Variants in TP73 observed in about 807,000 individuals in gnomAD.
TP73 encodes the protein p53-like transcription factor.
TP73 carries 25 observed loss-of-function variants against 62.5 expected under a neutral mutation model. The observed-to-expected ratio is 0.40, with a 90% CI of 0.29 to 0.56. TP73 has a LOEUF of 0.56. Ranked by LOEUF, TP73 falls within the 20% of genes least tolerant of loss-of-function variation. TP73 has a pLI of 0.46. For missense variants in TP73, 754 were observed against 913.3 expected, an observed-to-expected ratio of 0.83 and a Z score of 2.25; for synonymous variants, 423 against 377.5, an observed-to-expected ratio of 1.12 and a Z score of -1.40.
In TP73 at chr1:3,707,556, T is replaced by A; in HGVS notation, c.194T>A (p.Phe65Tyr). The A allele has an allele frequency of 6.2e-7, 1 of 1,607,258 alleles. No individual in the cohort carries two copies. Among genetic ancestry groups the A allele is most frequent in the Admixed American group, 1.7e-5 (1 of 59,866 alleles). Residue 65 changes from phenylalanine to tyrosine, a missense_variant, in exon 4 of 14, where the codon TTC (phenylalanine) becomes TAC (tyrosine). By Grantham distance (22) the Phe-to-Tyr change is conservative (BLOSUM62 3). Coordinates refer to ENST00000378295, the MANE Select transcript of TP73 (RefSeq NM_005427.4). ...TCCCCTTTCCCGCGCCAGGCCCAGTTCAATCTGCTGAGCAGCACCATGGAC... is the reference window on the plus strand; with the variant it reads ...TCCCCTTTCCCGCGCCAGGCCCAGTACAATCTGCTGAGCAGCACCATGGAC... ...EGMTTSVMAQFNLLSSTMDQM... is the reference protein window; with the variant it reads ...EGMTTSVMAQYNLLSSTMDQM...
intron 3 of TP73, among the ~76,000 whole-genome samples, chr1:3,697,877 C>T (rs1175697250): frequency 2.0e-5 from 3 of 152,228 alleles, no homozygotes; most frequent in East Asian, 1.9e-4. Flanking sequence ...CCCCCACAGC[C>T]GTCCTGGACC....
At chr1:3,680,425 T>C (rs1645492862) in intron 1 of TP73, among the ~76,000 whole-genome samples, 1 of 152,250 alleles carries the variant, frequency 6.6e-6, no homozygotes, top group African/African-American at 2.4e-5. Context: ...TGGACTCAGG[T>C]GGCCCATCTA....
intron 9 of TP73, among the ~76,000 whole-genome samples, chr1:3,729,000 GAGAGAGAC>G (rs927882343): frequency 1.1e-4 from 17 of 152,050 alleles, no homozygotes; most frequent in Admixed American, 5.9e-4. Flanking sequence ...GAAAGAGAGA[GAGAGAGAC>G]AGAGAGACAG....
rs1421161744 is a variant in TP73, at chr1:3,733,559, A to C, written c.*480A>C. 1 of 169,048 alleles carries C rather than the reference A, an allele frequency of 5.9e-6. No individual in the cohort carries two copies. Among genetic ancestry groups the C allele is most frequent in the African/African-American group, 2.4e-5 (1 of 41,858 alleles). 10.5% of individuals were successfully genotyped at this position (169,048 alleles called of 1,614,324 possible). ...GTGAGCAGCCAAGTGACTGTGTCTG[A>C]AACACCAGTGTATTTTCAGGGAATG... is the stretch of plus-strand genomic sequence containing the variant. On this transcript the variant is annotated 3_prime_UTR_variant, in exon 14 of 14. Coordinates refer to ENST00000378295, the MANE Select transcript of TP73 (RefSeq NM_005427.4).
chr1:3,683,299 G>A, intron 3 of TP73, 119 bp downstream of exon 3: 1 of 1,329,726 alleles, frequency 7.5e-7, no homozygotes, highest in Non-Finnish European at 1.0e-6. Context: ...AGCTTCCCCT[G>A]TGGGTTTCTG....
Position 3,696,759 on chromosome 1 carries a change from AC to A in TP73, c.187-10786del, listed in dbSNP as rs971795149. Among the ~76,000 whole-genome samples, 1 of 151,952 alleles carries A rather than the reference AC, an allele frequency of 6.6e-6. No individual in the cohort carries two copies. Among genetic ancestry groups the A allele is most frequent in the African/African-American group, 2.4e-5 (1 of 41,334 alleles). ...CTCTCCAGGCCTTGTGTCATGAAAG[AC>A]CCCGAGCAGCGGTGGGGCTCAAGCC... On this transcript the variant is annotated intron_variant, in intron 3 of 13. Transcript: ENST00000378295. This position sits in a 1 kb window ranked among gnomAD's most constrained non-coding sequence, Gnocchi z 4.1.
Position 3,699,661 on chromosome 1 carries a change from C to T in TP73, c.187-7888C>T, listed in dbSNP as rs1447265188. On this transcript the variant is annotated intron_variant, in intron 3 of 13. Transcript: ENST00000378295. This position sits in a 1 kb window ranked among gnomAD's most constrained non-coding sequence, Gnocchi z 4.1. Reference sequence around the variant, plus strand: ...GAGCATGTCTCTGCCCCGTCTGGAGCTCCCGGTTCCTGTCCTAGTTGAACA... The same window carrying T: ...GAGCATGTCTCTGCCCCGTCTGGAGTTCCCGGTTCCTGTCCTAGTTGAACA... 6.6e-6 allele frequency among the ~76,000 whole-genome samples: 1 copy of T among 152,224 alleles called. No homozygotes were observed. The highest frequency in any genetic ancestry group is 2.4e-5 in the African/African-American group (1 of 41,460).
chr1:3,679,293 C>T (rs1282381075), intron 1 of TP73, among the ~76,000 whole-genome samples: 1 of 152,206 alleles, frequency 6.6e-6, no homozygotes, highest in Non-Finnish European at 1.5e-5. Flanking sequence ...GTTTTGCCGA[C>T]CAGTTCCTGT....
chr1:3,660,907 A>G (rs1022545602), intron 1 of TP73, among the ~76,000 whole-genome samples: 67 of 152,244 alleles, frequency 4.4e-4, no homozygotes, highest in African/African-American at 1.5e-3. Flanking sequence ...CCTGTGGTGT[A>G]TACTTTCACA....
Position 3,690,734 on chromosome 1 carries a change from G to A in TP73, c.186+7554G>A, listed in dbSNP as rs894912241. The stretch of plus-strand genomic sequence containing the variant: ...AAGCGAAAATGCCAACAAACGGCCC[G>A]CATGTTCCCCAGCATCCTCGGCTCC... On this transcript the variant is annotated intron_variant, in intron 3 of 13. Coordinates refer to ENST00000378295, the MANE Select transcript of TP73 (RefSeq NM_005427.4). The A allele has an allele frequency of 4.7e-5, 68 of 1,439,268 alleles. No homozygotes were observed. The African/African-American group carries it at 7.0e-4, about 15-fold the overall frequency. 89.2% of individuals were successfully genotyped at this position (1,439,268 alleles called of 1,614,324 possible).
intron 10 of TP73, 127 bp from the exon 11 acceptor site, chr1:3,729,873 G>A: frequency 7.5e-7 from 1 of 1,328,094 alleles, no homozygotes; most frequent in Non-Finnish European, 1.0e-6. Context: ...GGCTGGGGGA[G>A]GATGAAGCCA....
At chr1:3,685,464 T>C (rs1383749899) in intron 3 of TP73, among the ~76,000 whole-genome samples, 3 of 152,156 alleles carry the variant, frequency 2.0e-5, no homozygotes, top group African/African-American at 7.2e-5. Flanking sequence ...CTCACGGAGA[T>C]GGGGGATTCC....
intron 3 of TP73, among the ~76,000 whole-genome samples, chr1:3,692,545 A>G (rs1645874310): frequency 6.6e-6 from 1 of 152,130 alleles, no homozygotes; most frequent in South Asian, 2.1e-4. Flanking sequence ...TTAGAAACGC[A>G]CAGCAGGCCT....
intron 11 of TP73, among the ~76,000 whole-genome samples, chr1:3,730,681 A>G (rs1553147850): frequency 6.6e-6 from 1 of 152,076 alleles, no homozygotes. Context: ...GCCAGCTGCG[A>G]TTGCCCTTAC....
chr1:3,673,992 G>A (rs1308243558), intron 1 of TP73, among the ~76,000 whole-genome samples: 1 of 152,212 alleles, frequency 6.6e-6, no homozygotes, highest in Non-Finnish European at 1.5e-5. Context: ...CTGACCAGCT[G>A]TGTGCCCATG....
chr1:3,723,418 T>G lies in TP73; in HGVS notation c.681T>G (p.Asp227Glu). 1 of 1,612,494 alleles carries G rather than the reference T, an allele frequency of 6.2e-7. No individual in the cohort carries two copies. The highest frequency in any genetic ancestry group is 1.1e-5 in the South Asian group (1 of 91,082). Residue 227 changes from aspartate (D) to glutamate (E), a missense_variant, in exon 6 of 14, where the codon GAT becomes GAG. Around this residue, in one of 3 missense-constraint regions of TP73, gnomAD observed 61 missense variants for 133.2 expected, o/e 0.46. Coordinates refer to ENST00000378295, the MANE Select transcript of TP73 (RefSeq NM_005427.4). ...VEGNNLSQYVDDPVTGRQSVV... is the reference protein window; with the variant it reads ...VEGNNLSQYVEDPVTGRQSVV... ...GCAATAATCTCTCGCAGTATGTGGA[T>G]GACCCTGTCACCGGCAGGCAGAGCG...
intron 1 of TP73, among the ~76,000 whole-genome samples, chr1:3,668,082 A>G (rs1645160579): frequency 6.6e-6 from 1 of 152,180 alleles, no homozygotes; most frequent in Non-Finnish European, 1.5e-5. Context: ...GGATGTTGAG[A>G]GGAGCCAGGC....
At chr1:3,695,398 C>T (rs1638545008) in intron 3 of TP73, among the ~76,000 whole-genome samples, 1 of 152,212 alleles carries the variant, frequency 6.6e-6, no homozygotes, top group Admixed American at 6.5e-5. Flanking sequence ...TCTCCTGCGC[C>T]CTCTCTATGG....
intron 1 of TP73, among the ~76,000 whole-genome samples, chr1:3,657,513 C>T (rs1644889199): frequency 6.6e-6 from 1 of 152,228 alleles, no homozygotes; most frequent in Non-Finnish European, 1.5e-5. Flanking sequence ...ACATCCCATT[C>T]TGAGGCTCGT....
Sources: gnomAD v4.1 joint callset for allele counts (sites outside exome capture counted in the v4.1 genomes callset) on GRCh38, gnomAD v4.1.1 for gene constraint, gnomAD v4.1.1 regional missense constraint, Gnocchi (gnomAD v3.1) non-coding constraint, MANE v1.5 for transcripts, NCBI Gene and HGNC (gene_info 2026-07-23, HGNC 2026-07-21) for gene names.